DAB1: variants seen among roughly 807,000 people sequenced by gnomAD.
DAB1 encodes DAB adaptor protein 1, also known as disabled homolog 1.
In DAB1, 15 loss-of-function variants were observed where a neutral mutation model predicts 64.6. The observed-to-expected ratio is 0.23, with a 90% CI of 0.16 to 0.36. The LOEUF (loss-of-function observed/expected upper bound fraction) is 0.36, where lower values mean the gene tolerates loss of function less well. Among genes scored for constraint, DAB1 ranks in the 10% least tolerant of loss-of-function variants. The pLI is 1.00. For missense variants in DAB1, 596 were observed against 706.7 expected (o/e 0.84, Z 1.78); for synonymous variants, 235 against 251.9 (o/e 0.93, Z 0.64).
intron 5 of DAB1, among the ~76,000 whole-genome samples, chr1:58,016,604 C>G (rs1646743263): frequency 6.6e-6 from 1 of 152,150 alleles, no homozygotes; most frequent in South Asian, 2.1e-4. Flanking sequence ...TGCCCCTCCC[C>G]TTGAACTTCC....
intron 7 of DAB1, among the ~76,000 whole-genome samples, chr1:57,455,473 G>C (rs1558397163): frequency 6.6e-6 from 1 of 152,060 alleles, no homozygotes; most frequent in Non-Finnish European, 1.5e-5. Flanking sequence ...GTAGGCTATG[G>C]GGAAGAGTTT....
At chr1:58,143,405 A>G (rs1654395992) in intron 5 of DAB1, among the ~76,000 whole-genome samples, 1 of 152,214 alleles carries the variant, frequency 6.6e-6, no homozygotes, top group Non-Finnish European at 1.5e-5. Flanking sequence ...AGATTATGCT[A>G]CATAACAGCA....
At chr1:57,374,005 G>A (rs1243736338) in intron 1 of DAB1, among the ~76,000 whole-genome samples, 1 of 152,156 alleles carries the variant, frequency 6.6e-6, no homozygotes, top group Non-Finnish European at 1.5e-5. Flanking sequence ...CAGAAAAATT[G>A]TTTATTACAA....
chr1:57,724,906 T>C (rs1392293696), intron 6 of DAB1, among the ~76,000 whole-genome samples: 2 of 152,314 alleles, frequency 1.3e-5, no homozygotes, highest in Non-Finnish European at 2.9e-5. Flanking sequence ...GCTCATTAAA[T>C]GATGAAGGAA....
chr1:58,222,391 C>G (rs113685535), intron 4 of DAB1, among the ~76,000 whole-genome samples: 8 of 152,168 alleles, frequency 5.3e-5, no homozygotes, highest in South Asian at 2.1e-4. Flanking sequence ...TTGCACCAAG[C>G]CTGGGGCTTG....
chr1:57,837,792 A>ACCCC (rs141315910), intron 1 of DAB1, among the ~76,000 whole-genome samples: 7 of 110,122 alleles, frequency 6.4e-5, no homozygotes, highest in Non-Finnish European at 1.3e-4. Flanking sequence ...CACCTTCACC[A>ACCCC]CCCCCACCTC....
chr1:58,326,996 A>G (rs1174123829), intron 4 of DAB1, among the ~76,000 whole-genome samples: 2 of 152,248 alleles, frequency 1.3e-5, no homozygotes, highest in African/African-American at 4.8e-5. Flanking sequence ...ATCACTTTTT[A>G]AAGAGAGGGA....
chr1:57,386,386 A>AAAAAAAAAAAAG (rs548332875), intron 1 of DAB1, among the ~76,000 whole-genome samples: 2 of 144,258 alleles, frequency 1.4e-5, no homozygotes, highest in African/African-American at 2.6e-5. Flanking sequence ...AAAAAAAAAA[A>AAAAAAAAAAAAG]ACCCGTCTTT....
At chr1:57,819,079 T>C (rs973408262) in intron 6 of DAB1, among the ~76,000 whole-genome samples, 1 of 152,228 alleles carries the variant, frequency 6.6e-6, no homozygotes, top group Non-Finnish European at 1.5e-5. Context: ...TAGTGCTATA[T>C]ACATATTTGA....
chr1:57,453,809 C>T (rs1415518921), intron 7 of DAB1, among the ~76,000 whole-genome samples: 1 of 152,038 alleles, frequency 6.6e-6, no homozygotes, highest in African/African-American at 2.4e-5. Flanking sequence ...TAGTTTATCT[C>T]ATAAAAAAGT....
At chr1:57,696,402 G>T (rs145915072) in intron 6 of DAB1, among the ~76,000 whole-genome samples, 125 of 152,254 alleles carry the variant, frequency 8.2e-4, no homozygotes, top group African/African-American at 2.7e-3. Context: ...AGGATCTTCA[G>T]TGGATAGTAT....
At chr1:57,957,882 T>C (rs534867264) in intron 5 of DAB1, among the ~76,000 whole-genome samples, 22 of 152,322 alleles carry the variant, frequency 1.4e-4, no homozygotes, top group Non-Finnish European at 5.9e-5. Context: ...TGAAAACTTG[T>C]TTATAATTAT....
intron 3 of DAB1, among the ~76,000 whole-genome samples, chr1:58,476,015 G>C (rs1645415186): frequency 6.6e-6 from 1 of 151,940 alleles, no homozygotes; most frequent in Non-Finnish European, 1.5e-5. Flanking sequence ...TAATATATTG[G>C]TCAAAATTAA....
chr1:57,406,538 C>G (rs1683653645), intron 1 of DAB1, among the ~76,000 whole-genome samples: 1 of 152,164 alleles, frequency 6.6e-6, no homozygotes, highest in Non-Finnish European at 1.5e-5. Context: ...TGCTAGAGCA[C>G]AAGGCCCTTT....
At chr1:57,053,689 T>TATATATATATATATATA (rs68039540) in intron 9 of DAB1, among the ~76,000 whole-genome samples, 1 of 33,306 alleles carries the variant, frequency 3.0e-5, no homozygotes, top group African/African-American at 1.0e-4. Context: ...TATATATATA[T>TATATATATATATATATA]TTTTTTTTTT....
chr1:57,602,365 T>C (rs1166050621), intron 7 of DAB1, among the ~76,000 whole-genome samples: 1 of 152,184 alleles, frequency 6.6e-6, no homozygotes, highest in Non-Finnish European at 1.5e-5. Context: ...ATTGTTCCCA[T>C]AATATTTCTC....
intron 5 of DAB1, among the ~76,000 whole-genome samples, chr1:58,092,528 A>T (rs1650731652): frequency 6.6e-6 from 1 of 152,096 alleles, no homozygotes; most frequent in Non-Finnish European, 1.5e-5. Flanking sequence ...TAAGAATTAG[A>T]AAACACCTTC....
At chr1:57,441,191 A>C (rs1262256641) in intron 7 of DAB1, among the ~76,000 whole-genome samples, 3 of 152,222 alleles carry the variant, frequency 2.0e-5, no homozygotes, top group Admixed American at 2.0e-4. Context: ...GTGACTGCAA[A>C]GGACACAATT....
rs112443709 is a variant in DAB1, at chr1:58,213,959, T to C, written n.310-63371A>G. Among the ~76,000 whole-genome samples, 595 of 152,302 alleles carry C rather than the reference T, an allele frequency of 3.9e-3. 11 individuals carry two copies. The highest frequency in any genetic ancestry group is 0.014 in the African/African-American group (567 of 41,570). Reference sequence around the variant, plus strand: ...GTGGATTACTCCAAAGGGCTTTTAATTGTAATCCTGCCTGAGTCTTGTGCC... The same window carrying C: ...GTGGATTACTCCAAAGGGCTTTTAACTGTAATCCTGCCTGAGTCTTGTGCC... On this transcript the variant is annotated intron_variant and non_coding_transcript_variant, in intron 4 of 20. Transcript: ENST00000485760.
Sources: gnomAD v4.1 joint callset for allele counts (sites outside exome capture counted in the v4.1 genomes callset) on GRCh38, gnomAD v4.1.1 for gene constraint, MANE v1.5 for transcripts, NCBI Gene and HGNC (gene_info 2026-07-23, HGNC 2026-07-21) for gene names.